C10orf90: variants seen among roughly 807,000 people sequenced by gnomAD.
C10orf90 encodes chromosome 10 open reading frame 90.
Under a neutral mutation model 62.5 loss-of-function variants are expected in C10orf90, and 56 were observed. The observed-to-expected ratio is 0.90, with a 90% CI of 0.72 to 1.12. The LOEUF is 1.12. Ranked by LOEUF, C10orf90 falls within the 50% of genes most tolerant of loss-of-function variation. C10orf90 has a pLI of 0.00. For synonymous variants in C10orf90, 386 were observed against 340.4 expected, an observed-to-expected ratio of 1.13 and a Z score of -1.47; for missense variants, 970 against 880.4, an observed-to-expected ratio of 1.10 and a Z score of -1.29.
intron 4 of C10orf90, among the ~76,000 whole-genome samples, chr10:126,478,394 T>C (rs1447655863): frequency 6.6e-6 from 1 of 152,166 alleles, no homozygotes; most frequent in Non-Finnish European, 1.5e-5. Flanking sequence ...ACAAGAACAA[T>C]GCAGTGCACA....
intron 4 of C10orf90, among the ~76,000 whole-genome samples, chr10:126,475,817 AAGG>A (rs2133783896): frequency 6.6e-6 from 1 of 152,342 alleles, no homozygotes; most frequent in South Asian, 2.1e-4. Context: ...CAGTAGGCCT[AAGG>A]AGGAGTTACA....
intron 3 of C10orf90, among the ~76,000 whole-genome samples, chr10:126,508,190 A>AGAGAGAGAGAGAGAGT (rs1427624756): frequency 1.1e-4 from 16 of 149,788 alleles, no homozygotes; most frequent in African/African-American, 2.9e-4. Context: ...AGAGAGAGAG[A>AGAGAGAGAGAGAGAGT]GTGTGTGTGT....
chr10:126,519,799 CT>C (rs1387468927), intron 2 of C10orf90, among the ~76,000 whole-genome samples: 1 of 152,136 alleles, frequency 6.6e-6, no homozygotes, highest in Non-Finnish European at 1.5e-5. Flanking sequence ...GTCTTACTTT[CT>C]TTTGGGGGTT....
intron 2 of C10orf90, among the ~76,000 whole-genome samples, chr10:126,563,014 A>T (rs1864938067): frequency 6.6e-6 from 1 of 152,210 alleles, no homozygotes; most frequent in South Asian, 2.1e-4. Context: ...ATGGCTGTGC[A>T]GGTGACATCA....
intron 4 of C10orf90, among the ~76,000 whole-genome samples, chr10:126,470,683 G>A (rs900859077): frequency 2.6e-5 from 4 of 151,786 alleles, no homozygotes; most frequent in Admixed American, 2.0e-4. Context: ...CCAGTAGTTC[G>A]AGGCTGCAGT....
chr10:126,574,963 C>T (rs7101158), intron 2 of C10orf90, among the ~76,000 whole-genome samples: 2,403 of 152,142 alleles, frequency 0.016, 60 homozygotes, highest in African/African-American at 0.054. Context: ...AGATAAAACG[C>T]CTCTTACAAC....
At chr10:126,525,646 G>C (rs1863918043) in intron 2 of C10orf90, among the ~76,000 whole-genome samples, 2 of 152,128 alleles carry the variant, frequency 1.3e-5, no homozygotes, top group South Asian at 4.1e-4. Flanking sequence ...CACTGAAACT[G>C]GACATGGTCC....
chr10:126,608,055 G>C (rs891028356), intron 2 of C10orf90, among the ~76,000 whole-genome samples: 1 of 152,196 alleles, frequency 6.6e-6, no homozygotes, highest in Non-Finnish European at 1.5e-5. Context: ...GTTCAGTTCT[G>C]AGGATAGATG....
At chr10:126,529,384 T>C (rs1444502416) in intron 2 of C10orf90, among the ~76,000 whole-genome samples, 5 of 152,210 alleles carry the variant, frequency 3.3e-5, no homozygotes, top group African/African-American at 4.8e-5. Context: ...TCATTTTTAC[T>C]GTAATAATTT....
At chr10:126,524,751 G>T (rs145437582) in intron 2 of C10orf90, 2 of 985,392 alleles carry the variant, frequency 2.0e-6, no homozygotes, top group Non-Finnish European at 2.4e-6. Flanking sequence ...GGCCCCTAGG[G>T]TGCCATCTAG....
intron 2 of C10orf90, among the ~76,000 whole-genome samples, chr10:126,522,229 T>C (rs1268651319): frequency 6.6e-6 from 1 of 151,946 alleles, no homozygotes; most frequent in African/African-American, 2.4e-5. Flanking sequence ...GATAGCACCA[T>C]TGTACTCCAG....
chr10:126,523,101 A>G (rs1422028322), intron 2 of C10orf90, among the ~76,000 whole-genome samples: 1 of 152,144 alleles, frequency 6.6e-6, no homozygotes, highest in African/African-American at 2.4e-5. Flanking sequence ...TAATAAAGAC[A>G]TTTTAAAAGC....
intron 4 of C10orf90, among the ~76,000 whole-genome samples, chr10:126,465,587 A>G (rs547699435): frequency 6.6e-6 from 1 of 152,284 alleles, no homozygotes; most frequent in South Asian, 2.1e-4. Context: ...TTGCAGAAGC[A>G]TTGGTGCTGA....
At chr10:126,584,340 GC>G (rs1844815269) in intron 2 of C10orf90, among the ~76,000 whole-genome samples, 1 of 150,964 alleles carries the variant, frequency 6.6e-6, no homozygotes, top group African/African-American at 2.4e-5. Context: ...TTGTCCATCC[GC>G]CTACCTGTCT....
Position 126,464,902 on chromosome 10 carries a change from T to C in C10orf90, c.1619A>G (p.Lys540Arg), listed in dbSNP as rs201855791. Residue 540 changes from lysine to arginine, a missense_variant, in exon 5 of 10, where the codon AAG (lysine) becomes AGG (arginine). Coordinates refer to ENST00000488181, the MANE Select transcript of C10orf90 (RefSeq NM_001350921.2). ...MTVSAPPVEQ[K>R]PTRHFLPIGD... ...AATGGGAAGGAAATGTCTAGTGGGC[T>C]TCTGTTCCACTGGAGGAGCAGACAC... is the stretch of plus-strand genomic sequence containing the variant. 516 of 1,613,816 alleles carry C rather than the reference T, an allele frequency of 3.2e-4. 8 individuals are homozygous for C. In the South Asian group the frequency reaches 5.3e-3, roughly 16 times the overall value.
At chr10:126,559,787 C>T (rs567682598) in intron 2 of C10orf90, among the ~76,000 whole-genome samples, 1 of 152,308 alleles carries the variant, frequency 6.6e-6, no homozygotes, top group South Asian at 2.1e-4. Flanking sequence ...TATATAACAG[C>T]TTATTTCAGA....
chr10:126,500,252 C>T (rs539952044), intron 4 of C10orf90, among the ~76,000 whole-genome samples: 14 of 152,286 alleles, frequency 9.2e-5, no homozygotes, highest in African/African-American at 1.4e-4. Context: ...TGGGGCCTGC[C>T]GTTGAGTCAC....
chr10:126,510,389 T>C (rs967115629), intron 3 of C10orf90, among the ~76,000 whole-genome samples: 7 of 152,192 alleles, frequency 4.6e-5, no homozygotes, highest in Admixed American at 6.5e-5. Flanking sequence ...ATTACATCTT[T>C]TACACCAAAT....
chr10:126,425,678 G>C lies in C10orf90; in HGVS notation c.*186C>G. 1.6e-6 allele frequency: 1 copy of C among 620,266 alleles called. No individual in the cohort carries two copies. Among genetic ancestry groups the C allele is most frequent in the South Asian group, 2.1e-5 (1 of 46,746 alleles). The allele number at this position is 620,266 out of a possible 1,614,324, so 38.4% of individuals were successfully genotyped here. A position where few individuals can be genotyped will look rare whatever the true frequency, so the allele number is the denominator to read the frequency against. ...CAACAGATTGTTGACCTATTTTCTC[G>C]AGGGTTATTGTTTCTGTTTGGCTTG... On this transcript the variant is annotated 3_prime_UTR_variant, in exon 10 of 10. Transcript: ENST00000488181.
Sources: allele counts gnomAD v4.1 joint callset (sites outside exome capture counted in the v4.1 genomes callset), GRCh38; gene constraint gnomAD v4.1.1; transcripts MANE v1.5; gene names NCBI Gene and HGNC (gene_info 2026-07-23, HGNC 2026-07-21).